The following EIF4ENIF1 variants were observed in gnomAD, a reference collection of about 807,000 sequenced individuals.
EIF4ENIF1 encodes eukaryotic translation initiation factor 4E transporter.
In EIF4ENIF1, 23 loss-of-function variants were observed where a neutral mutation model predicts 110.5. The observed-to-expected ratio is 0.21, with a 90% CI of 0.15 to 0.29. EIF4ENIF1 has a LOEUF of 0.29. Ranked by LOEUF, EIF4ENIF1 falls within the 10% of genes least tolerant of loss-of-function variation. The pLI is 1.00. For missense variants in EIF4ENIF1, 1,031 were observed against 1,221.1 expected (o/e 0.84, Z 2.32); for synonymous variants, 440 against 437.0 (o/e 1.01, Z -0.09).
At chr22:31,455,395 C>CTTT (rs67838369) in intron 8 of EIF4ENIF1, 80 bp from the exon 9 acceptor site, 217 of 809,486 alleles carry the variant, frequency 2.7e-4, no homozygotes, top group Middle Eastern at 8.5e-4. Flanking sequence ...TTCTTTCTTT[C>CTTT]TTTTTTTTTT....
Position 31,442,023 on chromosome 22 carries a change from A to G in EIF4ENIF1, c.2302T>C (p.Ser768Pro). The change falls in exon 17 of 19, where the codon TCC becomes CCC. Residue 768 changes from serine (S) to proline (P), a missense_variant. Around this residue, in one of 3 missense-constraint regions of EIF4ENIF1, gnomAD observed 309 missense variants for 299.1 expected, o/e 1.03. Coordinates refer to ENST00000330125, the MANE Select transcript of EIF4ENIF1 (RefSeq NM_019843.4). ...CGGTTGGCCTGGGACAGTGGGGTGGAACACGAAGACCTCTGTAATGCTGAC... is the reference window on the plus strand; with the variant it reads ...CGGTTGGCCTGGGACAGTGGGGTGGGACACGAAGACCTCTGTAATGCTGAC... ...KLSALQRSSC[S>P]TPLSQANRYT... is the part of the protein sequence containing the mutation. The G allele has an allele frequency of 6.2e-7, 1 of 1,614,184 alleles. No individual in the cohort carries two copies. Among genetic ancestry groups the G allele is most frequent in the Non-Finnish European group, 8.5e-7 (1 of 1,180,032 alleles).
rs2051052033 is a variant in EIF4ENIF1 at position 31,463,133 on chromosome 22, T to C, written c.586A>G (p.Arg196Gly). ...ERDFKDKRFR[R>G]EFGDSKRVFG... ...ACACGCTTACTATCTCCAAACTCTCTCTGGAAAAGTACATAAAGCAAGATT... is the reference window on the plus strand; with the variant it reads ...ACACGCTTACTATCTCCAAACTCTCCCTGGAAAAGTACATAAAGCAAGATT... Residue 196 changes from arginine to glycine, a missense_variant and splice_region_variant, in exon 6 of 19, where the codon AGA becomes GGA. Arg to Gly is a moderately radical substitution (Grantham distance 125). Transcript: ENST00000330125. 6.2e-7 allele frequency: 1 copy of C among 1,612,238 alleles called. No homozygotes were observed. Among genetic ancestry groups the C allele is most frequent in the Non-Finnish European group, 8.5e-7 (1 of 1,179,674 alleles).
intron 2 of EIF4ENIF1, 107 bp downstream of exon 2, chr22:31,488,516 T>G (rs79026257): frequency 7.4e-6 from 11 of 1,478,460 alleles, no homozygotes; most frequent in Non-Finnish European, 9.3e-6. Context: ...TTAGTCCATG[T>G]AGTGAGTCAG....
intron 2 of EIF4ENIF1, among the ~76,000 whole-genome samples, chr22:31,488,145 T>A (rs570712107): frequency 6.6e-6 from 1 of 152,262 alleles, no homozygotes; most frequent in South Asian, 2.1e-4. Context: ...TTTGAGTCCA[T>A]ATCCAATTTG....
chr22:31,466,592 C>A (rs2051196662), intron 4 of EIF4ENIF1, among the ~76,000 whole-genome samples: 1 of 128,418 alleles, frequency 7.8e-6, no homozygotes, highest in Non-Finnish European at 1.6e-5. Context: ...AAAAAAACAA[C>A]AAAAAAAAAC....
intron 2 of EIF4ENIF1, 105 bp downstream of exon 2, chr22:31,488,517 AG>A: frequency 9.5e-6 from 14 of 1,478,164 alleles, no homozygotes; most frequent in Non-Finnish European, 1.3e-5. Context: ...TAGTCCATGT[AG>A]TGAGTCAGAA....
intron 4 of EIF4ENIF1, among the ~76,000 whole-genome samples, chr22:31,466,005 A>G (rs969802557): frequency 2.6e-5 from 4 of 152,182 alleles, no homozygotes; most frequent in African/African-American, 9.6e-5. Flanking sequence ...TCCGGACACT[A>G]TGGCTCATGC....
At chr22:31,474,142 C>T (rs2051488196) in intron 2 of EIF4ENIF1, among the ~76,000 whole-genome samples, 1 of 152,106 alleles carries the variant, frequency 6.6e-6, no homozygotes, top group African/African-American at 2.4e-5. Flanking sequence ...ACTGCAACCC[C>T]TGCCTTCTGG....
chr22:31,483,357 T>C (rs1415680021), intron 2 of EIF4ENIF1, among the ~76,000 whole-genome samples: 1 of 151,342 alleles, frequency 6.6e-6, no homozygotes, highest in African/African-American at 2.4e-5. Context: ...TACGCCACCA[T>C]ACCTAGCTAA....
chr22:31,447,867 C>T (rs1477049291), intron 13 of EIF4ENIF1, among the ~76,000 whole-genome samples: 2 of 152,212 alleles, frequency 1.3e-5, no homozygotes, highest in African/African-American at 2.4e-5. Flanking sequence ...TCATAGCTCA[C>T]GGCAGTCTCA....
At chr22:31,440,168 T>G in intron 18 of EIF4ENIF1, 47 bp from the exon 19 acceptor site, 3 of 1,613,574 alleles carry the variant, frequency 1.9e-6, no homozygotes, top group Non-Finnish European at 2.5e-6. Flanking sequence ...GAAGGAAAGT[T>G]TATTAGACCC....
intron 2 of EIF4ENIF1, among the ~76,000 whole-genome samples, chr22:31,473,303 T>C (rs748920385): frequency 5.3e-5 from 8 of 152,174 alleles, no homozygotes; most frequent in Admixed American, 6.5e-5. Context: ...AACGGATGCC[T>C]CAGGGCATGA....
chr22:31,457,366 A>G (rs2050861994), intron 7 of EIF4ENIF1, among the ~76,000 whole-genome samples: 1 of 152,254 alleles, frequency 6.6e-6, no homozygotes, highest in Non-Finnish European at 1.5e-5. Context: ...AATTCAAATC[A>G]TACCATAAAT....
chr22:31,493,064 C>A (rs922145461), upstream of EIF4ENIF1, among the ~76,000 whole-genome samples: 2 of 151,764 alleles, frequency 1.3e-5, no homozygotes, highest in Non-Finnish European at 2.9e-5. Context: ...GACGGAGTCT[C>A]GCTCTGTCGT....
At chr22:31,445,498 G>A (rs1430491818) in intron 14 of EIF4ENIF1, among the ~76,000 whole-genome samples, 1 of 152,054 alleles carries the variant, frequency 6.6e-6, no homozygotes, top group Non-Finnish European at 1.5e-5. Flanking sequence ...TGACAACATG[G>A]GCAGACAGAT....
intron 14 of EIF4ENIF1, among the ~76,000 whole-genome samples, chr22:31,446,211 G>A (rs1283246119): frequency 6.6e-6 from 1 of 150,442 alleles, no homozygotes; most frequent in Non-Finnish European, 1.5e-5. Flanking sequence ...CTTGAACCCA[G>A]GAGGAGGAGG....
chr22:31,471,591 G>A (rs1213993069), intron 3 of EIF4ENIF1, among the ~76,000 whole-genome samples: 2 of 152,224 alleles, frequency 1.3e-5, no homozygotes, highest in African/African-American at 4.8e-5. Context: ...TGGGATTACA[G>A]GCATAAGCCA....
At chr22:31,438,727 C>CT (rs796917982), downstream of EIF4ENIF1, among the ~76,000 whole-genome samples, 417 of 145,076 alleles carry the variant, frequency 2.9e-3, 1 homozygote, top group Middle Eastern at 7.3e-3. Context: ...GTCCAATTAA[C>CT]TTTTTTTTTT....
At chr22:31,464,722 ATAT>A (rs1320310876) in intron 4 of EIF4ENIF1, among the ~76,000 whole-genome samples, 1 of 108,054 alleles carries the variant, frequency 9.3e-6, no homozygotes, top group African/African-American at 3.5e-5. Context: ...ATATATATAT[ATAT>A]AAACAGATAT....
Sources: gnomAD v4.1 joint callset for allele counts (sites outside exome capture counted in the v4.1 genomes callset) on GRCh38, gnomAD v4.1.1 for gene constraint, gnomAD v4.1.1 regional missense constraint, MANE v1.5 for transcripts, NCBI Gene and HGNC (gene_info 2026-07-23, HGNC 2026-07-21) for gene names.